CASP4: variants seen among roughly 807,000 people sequenced by gnomAD.
The protein encoded by CASP4 is caspase-4.
A neutral mutation model predicts 41.3 loss-of-function variants in CASP4; 29 were observed. The ratio of observed to expected loss-of-function variants is 0.70; its 90% CI spans 0.52 to 0.96. The LOEUF is 0.96. CASP4 is among the 40% of genes least tolerant of loss of function. The probability of loss-of-function intolerance (pLI) is 0.00; values close to 1 mark genes in which losing one functional copy is unlikely to be tolerated. For synonymous variants in CASP4, 185 were observed against 158.4 expected (o/e 1.17, Z -1.26); for missense variants, 447 against 460.6 (o/e 0.97, Z 0.27).
rs755376361 is a variant in CASP4, at chr11:104,952,012, G to A, written c.263-7C>T. ...GCCTCCATATTCGGATGAGCTGCAG[G>A]ATATTGCAGAACATAAATTGTGATT... On this transcript the variant is annotated splice_region_variant and splice_polypyrimidine_tract_variant and intron_variant, in intron 2 of 8. Transcript: ENST00000444739. 6 of 1,548,104 alleles carry A rather than the reference G, an allele frequency of 3.9e-6. No individual in the cohort carries two copies. In the South Asian group the frequency reaches 6.7e-5, roughly 17 times the overall value.
chr11:104,952,690 A>AT (rs1400557640), intron 2 of CASP4, among the ~76,000 whole-genome samples: 1 of 152,072 alleles, frequency 6.6e-6, no homozygotes, highest in Non-Finnish European at 1.5e-5. Context: ...TCAAGGCATT[A>AT]TTTTTTTAGC....
chr11:104,963,256 AT>A (rs56325275), intron 1 of CASP4, among the ~76,000 whole-genome samples: 2 of 152,034 alleles, frequency 1.3e-5, no homozygotes, highest in African/African-American at 2.4e-5. Flanking sequence ...ATTTTTCTCC[AT>A]TTTTTGTCTT....
rs1371480080 is a variant in CASP4, at chr11:104,950,997, G to T, written c.474C>A (p.Asp158Glu). 6.2e-7 allele frequency: 1 copy of T among 1,613,448 alleles called. No individual in the cohort carries two copies. Among genetic ancestry groups the T allele is most frequent in the East Asian group, 2.2e-5 (1 of 44,874 alleles). ...CAAGTAGCTCCTTCATCCCTGTGATGTCAAAGTCAGCTCCATTCCTCGGAG... is the reference window on the plus strand; with the variant it reads ...CAAGTAGCTCCTTCATCCCTGTGATTTCAAAGTCAGCTCCATTCCTCGGAG... ...HLPPRNGADF[D>E]ITGMKELLEG... Residue 158 changes from aspartate (D) to glutamate (E), a missense_variant, in exon 4 of 9, where the codon GAC (aspartate) becomes GAA (glutamate). Asp to Glu is a conservative substitution (Grantham distance 45, BLOSUM62 2). Coordinates refer to ENST00000444739, the MANE Select transcript of CASP4 (RefSeq NM_001225.4).
chr11:104,949,359 C>A, intron 5 of CASP4, 184 bp downstream of exon 5: 2 of 639,372 alleles, frequency 3.1e-6, no homozygotes, highest in Non-Finnish European at 5.5e-6. Context: ...ACAGAAATTT[C>A]TCCACTAATT....
chr11:104,956,777 A>ACT, intron 1 of CASP4: 4 of 237,420 alleles, frequency 1.7e-5, no homozygotes, highest in Non-Finnish European at 2.7e-5. Context: ...AACAGTACAC[A>ACT]GATTAGTGTG....
rs188543433 is a variant in CASP4, at chr11:104,956,102, T to C, written c.8-1101A>G. 1.6e-4 allele frequency among the ~76,000 whole-genome samples: 25 copies of C among 152,250 alleles called. No homozygotes were observed. The East Asian group carries it at 4.0e-3, about 25-fold the overall frequency. On this transcript the variant is annotated intron_variant, in intron 1 of 8. Transcript: ENST00000444739. Reference sequence around the variant, plus strand: ...TTAGTAAAGGGTAATATCTCCCATGTACTTATTATAAATAAAAAATGAATG... The same window carrying C: ...TTAGTAAAGGGTAATATCTCCCATGCACTTATTATAAATAAAAAATGAATG...
intron 4 of CASP4, among the ~76,000 whole-genome samples, chr11:104,950,647 T>C (rs633782): frequency 0.93 from 141,915 of 152,100 alleles, 67,034 homozygotes; most frequent in East Asian, 1. Flanking sequence ...TCTGGGGATT[T>C]TCGGGGCTGC....
chr11:104,948,925 T>G (rs1860536688), intron 5 of CASP4: 3 of 296,590 alleles, frequency 1.0e-5, no homozygotes, highest in Non-Finnish European at 1.9e-5. Flanking sequence ...AAAAAAAATC[T>G]GTTTTCTTTT....
Position 104,954,766 on chromosome 11 carries a change from T to C in CASP4, c.243A>G (p.Gln81=), listed in dbSNP as rs1157742842. Residue 81 remains glutamine, a synonymous_variant, in exon 2 of 9, where the codon CAA becomes CAG. Transcript: ENST00000444739. ...MLLQTFFNID[Q]ISPNKKAHPN... is the part of the protein sequence containing the mutation. ...TCTTACCTTTTTTATTGGGGGATAT[T>C]TGGTCTATGTTAAAAAAGGTTTGAA... 1.9e-6 allele frequency: 3 copies of C among 1,612,918 alleles called. No homozygotes were observed. The highest frequency in any genetic ancestry group is 3.3e-5 in the Admixed American group (2 of 59,828).
intron 7 of CASP4, chr11:104,946,771 C>T (rs12293970): frequency 0.22 from 41,554 of 185,614 alleles, 4,977 homozygotes; most frequent in Admixed American, 0.26. Context: ...TAGCAGACCA[C>T]CCAGATTTTA....
chr11:104,946,030 G>A (rs1037087412), intron 7 of CASP4, among the ~76,000 whole-genome samples: 1 of 151,910 alleles, frequency 6.6e-6, no homozygotes, highest in African/African-American at 2.4e-5. Flanking sequence ...ATTTTTTGTA[G>A]AGATGGGTTT....
rs548150305 is a variant in CASP4 at position 104,949,660 on chromosome 11, C to G, written c.664G>C (p.Asp222His). 6.2e-7 allele frequency: 1 copy of G among 1,613,842 alleles called. No individual in the cohort carries two copies. The highest frequency in any genetic ancestry group is 1.3e-5 in the African/African-American group (1 of 74,898). ...ILEGICGTVHDEKKPDVLLYD... is the reference protein window; with the variant it reads ...ILEGICGTVHHEKKPDVLLYD... ...AGCAGCACATCTGGTTTTTTCTCATCATGCACAGTTCCGCAGATTCCCTCC... is the reference window on the plus strand; with the variant it reads ...AGCAGCACATCTGGTTTTTTCTCATGATGCACAGTTCCGCAGATTCCCTCC... The change falls in exon 5 of 9, where the codon GAT becomes CAT. Residue 222 changes from aspartate (D) to histidine (H), a missense_variant. Transcript: ENST00000444739.
At position 104,947,130 on chromosome 11, in the gene CASP4, A is replaced by G. The variant is rs149870091; in HGVS notation, c.988T>C (p.Phe330Leu). ...TGGCAGCACCAAGAATATTTCTGGAAGCATGTGATGAGTTGTGTGATGAAG... is the reference window on the plus strand; with the variant it reads ...TGGCAGCACCAAGAATATTTCTGGAGGCATGTGATGAGTTGTGTGATGAAG... ...SIFITQLITC[F>L]QKYSWCCHLE... Residue 330 changes from phenylalanine (F) to leucine (L), a missense_variant, in exon 7 of 9, where the codon TTC becomes CTC. Phe to Leu is a conservative substitution (Grantham distance 22, BLOSUM62 0). Transcript: ENST00000444739. 1,108 of 1,613,148 alleles carry G rather than the reference A, an allele frequency of 6.9e-4. 6 individuals are homozygous for G. The highest frequency in any genetic ancestry group is 6.6e-4 in the Middle Eastern group (4 of 6,052).
chr11:104,943,621 C>T (rs189823507), intron 8 of CASP4: 13 of 152,274 alleles, frequency 8.5e-5, no homozygotes, highest in African/African-American at 3.1e-4. Flanking sequence ...TCTGTTTCTA[C>T]TCACTAGAAT....
chr11:104,945,727 C>T (rs1052536490), intron 7 of CASP4, among the ~76,000 whole-genome samples: 3 of 152,186 alleles, frequency 2.0e-5, no homozygotes, highest in Non-Finnish European at 4.4e-5. Flanking sequence ...CTAACTCCCA[C>T]TTATCCAAGA....
intron 1 of CASP4, among the ~76,000 whole-genome samples, chr11:104,955,585 A>G (rs987472894): frequency 1.3e-5 from 2 of 152,064 alleles, no homozygotes; most frequent in African/African-American, 4.8e-5. Flanking sequence ...GAATAAATGG[A>G]TGAGTGCATC....
chr11:104,967,692 G>A (rs1268059769), intron 1 of CASP4, among the ~76,000 whole-genome samples: 3 of 152,146 alleles, frequency 2.0e-5, no homozygotes, highest in Non-Finnish European at 4.4e-5. Context: ...AGCTATTCGC[G>A]GTGAGGAAGG....
intron 2 of CASP4, 55 bp from the exon 3 acceptor site, chr11:104,952,060 T>C (rs796665353): frequency 9.4e-7 from 1 of 1,066,000 alleles, no homozygotes; most frequent in African/African-American, 1.6e-5. Flanking sequence ...ACCCAATTTA[T>C]CACCTAAGAA....
At chr11:104,967,381 A>G (rs1013094480) in intron 1 of CASP4, among the ~76,000 whole-genome samples, 9 of 152,180 alleles carry the variant, frequency 5.9e-5, no homozygotes, top group Admixed American at 2.0e-4. Flanking sequence ...TAAATACAGT[A>G]TTTTTTTATG....
Sources: allele counts gnomAD v4.1 joint callset (sites outside exome capture counted in the v4.1 genomes callset), GRCh38; gene constraint gnomAD v4.1.1; transcripts MANE v1.5; gene names NCBI Gene and HGNC (gene_info 2026-07-23, HGNC 2026-07-21).